PRRC2C: variants seen among roughly 807,000 people sequenced by gnomAD.
The protein encoded by PRRC2C is protein PRRC2C.
PRRC2C carries 72 observed loss-of-function variants against 317.2 expected under a neutral mutation model. That is an observed-to-expected ratio of 0.23 (90% CI 0.19 to 0.28). The LOEUF (loss-of-function observed/expected upper bound fraction) is 0.28. PRRC2C is among the 10% of genes least tolerant of loss of function. The pLI, the probability that PRRC2C is intolerant of heterozygous loss-of-function variation, is 1.00. For synonymous variants in PRRC2C, 1,296 were observed against 1,205.9 expected, an observed-to-expected ratio of 1.07 and a Z score of -1.55; for missense variants, 3,074 against 3,459.7, an observed-to-expected ratio of 0.89 and a Z score of 2.80.
At chr1:171,536,003 C>A in intron 13 of PRRC2C, 26 bp from the exon 14 acceptor site, 1 of 1,551,548 alleles carries the variant, frequency 6.4e-7, no homozygotes, top group Non-Finnish European at 8.7e-7. Context: ...ACTAAACTCT[C>A]AAGATATGGG....
At position 171,557,429 on chromosome 1, in the gene PRRC2C, C is replaced by G. The variant is rs1687056; in HGVS notation, c.5317C>G (p.Pro1773Ala). 3 of 1,546,948 alleles carry G rather than the reference C, an allele frequency of 1.9e-6. No homozygotes were observed. The African/African-American group carries it at 4.1e-5, about 21-fold the overall frequency. Residue 1773 changes from proline (P) to alanine (A), a missense_variant, in exon 19 of 35, where the codon CCG (proline) becomes GCG (alanine). Physicochemically the swap from Pro to Ala is conservative, Grantham distance 27 (BLOSUM62 -1). Transcript: ENST00000647382. The stretch of plus-strand genomic sequence containing the variant: ...TCCAGCCTCAACCTCAGCTCCACTT[C>G]CGGCAACCTTAACTCCAGTTCCAGC... ...SVPASTSAPL[P>A]ATLTPVPAST...
chr1:171,516,345 C>T (rs1672360205), intron 5 of PRRC2C, among the ~76,000 whole-genome samples: 1 of 152,134 alleles, frequency 6.6e-6, no homozygotes, highest in Non-Finnish European at 1.5e-5. Flanking sequence ...TAAATGTCTT[C>T]TTAATTGTGA....
chr1:171,581,657 A>G (rs1572132084), intron 28 of PRRC2C, among the ~76,000 whole-genome samples: 1 of 152,160 alleles, frequency 6.6e-6, no homozygotes, highest in African/African-American at 2.4e-5. Context: ...TTATTAGGGA[A>G]TCTCTGAACT....
At position 171,565,622 on chromosome 1, in the gene PRRC2C, A is replaced by G. The variant is rs1421499747; in HGVS notation, c.6118-611A>G. Among the ~76,000 whole-genome samples, 3 of 152,054 alleles carry G rather than the reference A, an allele frequency of 2.0e-5. No homozygotes were observed. The East Asian group carries it at 5.8e-4, about 29-fold the overall frequency. ...GCCACCAAGCCCTGCTAGTTTTTGT[A>G]TTTTTAGTAGAGACAGAGTTTCACC... On this transcript the variant is annotated intron_variant, in intron 20 of 34. Coordinates refer to ENST00000647382, the MANE Select transcript of PRRC2C (RefSeq NM_001387844.1).
chr1:171,588,454 C>T lies in PRRC2C; in HGVS notation c.8148C>T (p.Ala2716=), dbSNP rs1650558305. 6.2e-7 allele frequency: 1 copy of T among 1,613,824 alleles called. No homozygotes were observed. The highest frequency in any genetic ancestry group is 8.5e-7 in the Non-Finnish European group (1 of 1,179,790). ...TCTACCAGAAGCAGTTCCAGTCAGCCCCTGCCACTGTGAGAATGACACAAC... is the reference window on the plus strand; with the variant it reads ...TCTACCAGAAGCAGTTCCAGTCAGCTCCTGCCACTGTGAGAATGACACAAC... ...SIVYQKQFQS[A]PATVRMTQPF... Residue 2716 remains alanine (A), a synonymous_variant, in exon 33 of 35, where the codon GCC becomes GCT. Coordinates refer to ENST00000647382, the MANE Select transcript of PRRC2C (RefSeq NM_001387844.1).
chr1:171,489,299 C>T (rs1329496038), intron 1 of PRRC2C, among the ~76,000 whole-genome samples: 2 of 152,108 alleles, frequency 1.3e-5, no homozygotes, highest in Non-Finnish European at 2.9e-5. Flanking sequence ...TTATTTACAT[C>T]TGATTTTTAA....
chr1:171,514,787 A>G (rs1289726180), intron 4 of PRRC2C, 142 bp downstream of exon 4: 2 of 730,918 alleles, frequency 2.7e-6, no homozygotes, highest in Admixed American at 6.5e-5. Context: ...AAGGTTTTTT[A>G]AAAAATCTCT....
chr1:171,565,172 G>C (rs1221930362), intron 20 of PRRC2C, among the ~76,000 whole-genome samples: 2 of 152,070 alleles, frequency 1.3e-5, no homozygotes, highest in Non-Finnish European at 2.9e-5. Context: ...CAGCCTCACT[G>C]ACCTTTTTTT....
At position 171,541,905 on chromosome 1, in the gene PRRC2C, A is replaced by G. The variant is rs768032697; in HGVS notation, c.4439A>G (p.Asn1480Ser). ...PVNTLGDISG[N>S]KTPDLSNQNS... The stretch of plus-strand genomic sequence containing the variant: ...AATACTCTTGGGGATATTTCCGGGA[A>G]TAAGACACCAGATTTATCTAATCAG... The change falls in exon 16 of 35, where the codon AAT (asparagine) becomes AGT (serine). Residue 1480 changes from asparagine to serine, a missense_variant. Physicochemically the swap from Asn to Ser is conservative, Grantham distance 46. Transcript: ENST00000647382. The surrounding 1 kb of genome is among the most constrained non-coding windows in gnomAD (Gnocchi z 4.1). The G allele has an allele frequency of 6.2e-7, 1 of 1,613,862 alleles. No individual in the cohort carries two copies. The highest frequency in any genetic ancestry group is 8.5e-7 in the Non-Finnish European group (1 of 1,179,816).
At chr1:171,572,968 A>G (rs912440647) in intron 24 of PRRC2C, among the ~76,000 whole-genome samples, 4 of 152,222 alleles carry the variant, frequency 2.6e-5, no homozygotes, top group Admixed American at 6.5e-5. Flanking sequence ...CATAAAGCAT[A>G]GAAAAGTTAT....
Position 171,557,973 on chromosome 1 carries a change from A to C in PRRC2C, c.5861A>C (p.Lys1954Thr), listed in dbSNP as rs938448987. 7.4e-6 allele frequency: 12 copies of C among 1,613,354 alleles called. No individual in the cohort carries two copies. The highest frequency in any genetic ancestry group is 1.0e-5 in the Non-Finnish European group (12 of 1,179,666). ...CTACAGACTACATCTCAGTCTTCAA[A>C]ACAACCACCACCATCAATTAGGCTG... ...NPLQTTSQSS[K>T]QPPPSIRLPS... Residue 1954 changes from lysine to threonine, a missense_variant, in exon 19 of 35, where the codon AAA becomes ACA. Physicochemically the swap from Lys to Thr is moderately conservative, Grantham distance 78. Coordinates refer to ENST00000647382, the MANE Select transcript of PRRC2C (RefSeq NM_001387844.1).
At chr1:171,504,537 T>G (rs905171984) in intron 1 of PRRC2C, among the ~76,000 whole-genome samples, 5 of 152,220 alleles carry the variant, frequency 3.3e-5, no homozygotes, top group Non-Finnish European at 7.3e-5. Context: ...AGACTGTCCT[T>G]TATCCACTGA....
intron 21 of PRRC2C, 57 bp from the exon 22 acceptor site, chr1:171,566,535 T>C: frequency 2.0e-6 from 3 of 1,492,868 alleles, no homozygotes; most frequent in South Asian, 2.7e-5. Context: ...CATGGTGCAA[T>C]GATGAAAGAT....
chr1:171,580,102 T>C, intron 28 of PRRC2C, 138 bp downstream of exon 28: 1 of 688,510 alleles, frequency 1.5e-6, no homozygotes, highest in Non-Finnish European at 2.1e-6. Flanking sequence ...TAATTGAGCA[T>C]GTTGATTATA....
At chr1:171,528,834 C>T (rs1312469680) in intron 11 of PRRC2C, among the ~76,000 whole-genome samples, 1 of 151,982 alleles carries the variant, frequency 6.6e-6, no homozygotes, top group Non-Finnish European at 1.5e-5. Context: ...TTTTTAGAGA[C>T]AGGGTCTTGC....
At chr1:171,545,984 C>T (rs1377944924) in intron 17 of PRRC2C, among the ~76,000 whole-genome samples, 1 of 151,224 alleles carries the variant, frequency 6.6e-6, no homozygotes, top group African/African-American at 2.4e-5. Flanking sequence ...AACCACTCTA[C>T]TTTGCCAGAT....
chr1:171,574,803 A>G, intron 24 of PRRC2C, 124 bp from the exon 25 acceptor site: 2 of 904,862 alleles, frequency 2.2e-6, no homozygotes, highest in Non-Finnish European at 3.4e-6. Flanking sequence ...TTCTTTAAAT[A>G]TCTTTGTGTG....
In PRRC2C at chr1:171,577,427, A is replaced by G. The variant is rs1339664278; in HGVS notation, c.6956-7A>G. On this transcript the variant is annotated splice_polypyrimidine_tract_variant and splice_region_variant and intron_variant, in intron 25 of 34. Coordinates refer to ENST00000647382, the MANE Select transcript of PRRC2C (RefSeq NM_001387844.1). The stretch of plus-strand genomic sequence containing the variant: ...ATTTTCCCCTTTATTTGCTTCCCCA[A>G]ATATAGGAGCTGGTACATACACTAC... 6.3e-7 allele frequency: 1 copy of G among 1,591,164 alleles called. No homozygotes were observed. The highest frequency in any genetic ancestry group is 1.3e-5 in the African/African-American group (1 of 74,430).
Position 171,539,962 on chromosome 1 carries a change from T to C in PRRC2C, c.2505-9T>C, listed in dbSNP as rs1442487863. The C allele has an allele frequency of 2.5e-6, 4 of 1,581,700 alleles. No individual in the cohort carries two copies. The highest frequency in any genetic ancestry group is 1.4e-5 in the African/African-American group (1 of 73,420). On this transcript the variant is annotated splice_polypyrimidine_tract_variant and intron_variant, in intron 15 of 34. Transcript: ENST00000647382. ...TGTTGATTATACCTTTGAATTCTTATCATCATAGGTCTGAAGCTGCGTTGG... is the reference window on the plus strand; with the variant it reads ...TGTTGATTATACCTTTGAATTCTTACCATCATAGGTCTGAAGCTGCGTTGG...
Sources: allele counts gnomAD v4.1 joint callset (sites outside exome capture counted in the v4.1 genomes callset), GRCh38; gene constraint gnomAD v4.1.1; non-coding constraint Gnocchi (gnomAD v3.1); transcripts MANE v1.5; gene names NCBI Gene and HGNC (gene_info 2026-07-23, HGNC 2026-07-21).